SLCO2A1: variants seen among roughly 807,000 people sequenced by gnomAD.
SLCO2A1 encodes the protein solute carrier organic anion transporter family member 2A1, also known as matrin F/G 1.
A neutral mutation model predicts 71.7 loss-of-function variants in SLCO2A1; 60 were observed. The ratio of observed to expected loss-of-function variants is 0.84; its 90% CI spans 0.68 to 1.04. The LOEUF (loss-of-function observed/expected upper bound fraction) is 1.04. Ranked by LOEUF, SLCO2A1 falls within the 50% of genes least tolerant of loss-of-function variation. The pLI, the probability that SLCO2A1 is intolerant of heterozygous loss-of-function variation, is 0.00. For synonymous variants in SLCO2A1, 308 were observed against 326.7 expected (o/e 0.94, Z 0.62); for missense variants, 745 against 813.4 (o/e 0.92, Z 1.02).
chr3:133,981,246 A>G (rs546676888), intron 1 of SLCO2A1, among the ~76,000 whole-genome samples: 8 of 152,250 alleles, frequency 5.3e-5, no homozygotes, highest in Non-Finnish European at 1.0e-4. Flanking sequence ...GTCTAGAGAC[A>G]GAGTTTAGAG....
At chr3:133,936,459 C>G (rs951542459) in intron 12 of SLCO2A1, among the ~76,000 whole-genome samples, 1 of 152,204 alleles carries the variant, frequency 6.6e-6, no homozygotes, top group African/African-American at 2.4e-5. Context: ...CTCCCAATAC[C>G]TGGCTGCTCA....
intron 4 of SLCO2A1, among the ~76,000 whole-genome samples, chr3:133,954,086 C>T (rs1264439813): frequency 6.6e-6 from 1 of 151,328 alleles, no homozygotes; most frequent in Non-Finnish European, 1.5e-5. Context: ...CATGGTGCCA[C>T]AGAGCCTGTG....
chr3:133,987,397 C>T (rs1043264449), intron 1 of SLCO2A1, among the ~76,000 whole-genome samples: 2 of 151,998 alleles, frequency 1.3e-5, no homozygotes, highest in African/African-American at 4.8e-5. Context: ...CTGGTCTCCA[C>T]AACCTCTTAT....
chr3:133,971,443 A>AT (rs1934323569), intron 3 of SLCO2A1, among the ~76,000 whole-genome samples: 2 of 152,198 alleles, frequency 1.3e-5, no homozygotes, highest in African/African-American at 4.8e-5. Context: ...TTCACTGGAG[A>AT]TTTATAAAAA....
chr3:133,982,562 C>G (rs1689946634), intron 1 of SLCO2A1, among the ~76,000 whole-genome samples: 1 of 152,196 alleles, frequency 6.6e-6, no homozygotes, highest in East Asian at 1.9e-4. Flanking sequence ...TTCCCCATCA[C>G]CTTCACTCAG....
intron 1 of SLCO2A1, among the ~76,000 whole-genome samples, chr3:133,988,570 T>C (rs983321016): frequency 3.9e-5 from 6 of 152,224 alleles, no homozygotes; most frequent in Non-Finnish European, 8.8e-5. Flanking sequence ...TCACAGGCCA[T>C]GGTCACTCAC....
intron 2 of SLCO2A1, among the ~76,000 whole-genome samples, chr3:133,975,718 C>T (rs1355545827): frequency 6.6e-6 from 1 of 152,184 alleles, no homozygotes; most frequent in African/African-American, 2.4e-5. Flanking sequence ...AAAGGCATTC[C>T]CCCAGCCCCT....
intron 3 of SLCO2A1, among the ~76,000 whole-genome samples, chr3:133,972,446 AG>A (rs766699041): frequency 2.6e-5 from 4 of 152,214 alleles, no homozygotes; most frequent in Admixed American, 6.5e-5. Flanking sequence ...TGGAGAAAAC[AG>A]GGATGTGCAA....
intron 1 of SLCO2A1, among the ~76,000 whole-genome samples, chr3:134,028,601 A>T (rs1044032367): frequency 1.6e-4 from 24 of 152,178 alleles, no homozygotes; most frequent in Admixed American, 5.2e-4. Context: ...ACATATAACC[A>T]GTCCACGGAC....
intron 1 of SLCO2A1, among the ~76,000 whole-genome samples, chr3:133,980,123 C>T (rs894600717): frequency 6.6e-6 from 1 of 152,216 alleles, no homozygotes; most frequent in East Asian, 1.9e-4. Context: ...ATTCCCAACA[C>T]CTGTCCTCTG....
chr3:134,012,602 T>G (rs767203551), intron 1 of SLCO2A1, among the ~76,000 whole-genome samples: 3 of 152,208 alleles, frequency 2.0e-5, no homozygotes, highest in African/African-American at 4.8e-5. Flanking sequence ...TTATATAGAT[T>G]CTATACAATA....
At chr3:133,939,626 A>G (rs1487365607) in intron 11 of SLCO2A1, among the ~76,000 whole-genome samples, 1 of 152,138 alleles carries the variant, frequency 6.6e-6, no homozygotes, top group Admixed American at 6.5e-5. Flanking sequence ...ACCCCTTGGG[A>G]CCCCCACAAT....
chr3:134,026,071 T>C (rs551372500), intron 1 of SLCO2A1, among the ~76,000 whole-genome samples: 2 of 152,260 alleles, frequency 1.3e-5, no homozygotes, highest in South Asian at 4.1e-4. Flanking sequence ...ACCCAGTTCC[T>C]GATGAATTCC....
At chr3:133,940,703 C>A (rs983957910) in intron 11 of SLCO2A1, among the ~76,000 whole-genome samples, 1 of 152,150 alleles carries the variant, frequency 6.6e-6, no homozygotes, top group African/African-American at 2.4e-5. Flanking sequence ...GCTTTGAATG[C>A]GCAGGATGGG....
intron 3 of SLCO2A1, among the ~76,000 whole-genome samples, chr3:133,969,146 A>G (rs1468932253): frequency 6.6e-6 from 1 of 152,226 alleles, no homozygotes; most frequent in Non-Finnish European, 1.5e-5. Context: ...AAATATGCTG[A>G]GCAGGTCAGG....
intron 1 of SLCO2A1, among the ~76,000 whole-genome samples, chr3:134,015,370 A>G (rs1408470026): frequency 6.8e-6 from 1 of 146,708 alleles, no homozygotes; most frequent in Admixed American, 6.9e-5. Context: ...TCTGACTTAA[A>G]TGCAGAATCT....
At chr3:134,014,329 C>T (rs773676556) in intron 1 of SLCO2A1, among the ~76,000 whole-genome samples, 1 of 152,116 alleles carries the variant, frequency 6.6e-6, no homozygotes, top group Non-Finnish European at 1.5e-5. Context: ...TAGCTTTTCC[C>T]TTCAGCAGGG....
intron 1 of SLCO2A1, among the ~76,000 whole-genome samples, chr3:133,999,037 T>C (rs1039538835): frequency 4.6e-5 from 7 of 152,230 alleles, no homozygotes; most frequent in Non-Finnish European, 5.9e-5. Context: ...TCTGACTCCA[T>C]TGGCAGCTCT....
At chr3:133,995,360 C>G (rs1237170179) in intron 1 of SLCO2A1, among the ~76,000 whole-genome samples, 1 of 152,194 alleles carries the variant, frequency 6.6e-6, no homozygotes, top group East Asian at 1.9e-4. Flanking sequence ...ACTCCTCCCC[C>G]TGTCACTGAG....
Sources: gnomAD v4.1 joint callset for allele counts (sites outside exome capture counted in the v4.1 genomes callset) on GRCh38, gnomAD v4.1.1 for gene constraint, MANE v1.5 for transcripts, NCBI Gene and HGNC (gene_info 2026-07-23, HGNC 2026-07-21) for gene names.